The following VWF variants were observed in gnomAD, a reference collection of about 807,000 sequenced individuals.
VWF encodes the protein von Willebrand factor, also known as Factor VIII related antigen.
A neutral mutation model predicts 308.6 loss-of-function variants in VWF; 176 were observed. The ratio of observed to expected loss-of-function variants is 0.57; its 90% CI spans 0.50 to 0.65. The LOEUF (loss-of-function observed/expected upper bound fraction) is 0.65. VWF is among the 30% of genes least tolerant of loss of function. The pLI is 0.00. For synonymous variants in VWF, 1,385 were observed against 1,443.4 expected, an observed-to-expected ratio of 0.96 and a Z score of 0.92; for missense variants, 3,146 against 3,648.2, an observed-to-expected ratio of 0.86 and a Z score of 3.55.
At chr12:6,123,773 T>A (rs1458344252) in intron 1 of VWF, among the ~76,000 whole-genome samples, 1 of 152,014 alleles carries the variant, frequency 6.6e-6, no homozygotes, top group African/African-American at 2.4e-5. Context: ...GCCCAGCAAA[T>A]GTTTGCTGAG....
At chr12:6,092,610 T>TGA (rs113664724) in intron 6 of VWF, among the ~76,000 whole-genome samples, 12,914 of 56,740 alleles carry the variant, frequency 0.23, 1,306 homozygotes, top group African/African-American at 0.48. Flanking sequence ...AGTTAGTGAG[T>TGA]GAGTGAGAGT....
At chr12:5,981,120 C>G (rs1040724121) in intron 42 of VWF, among the ~76,000 whole-genome samples, 1 of 152,232 alleles carries the variant, frequency 6.6e-6, no homozygotes, top group African/African-American at 2.4e-5. Flanking sequence ...TAGCACAGTG[C>G]CAATTCTGTT....
chr12:6,030,141 C>T (rs1944243110), intron 21 of VWF, among the ~76,000 whole-genome samples: 1 of 152,218 alleles, frequency 6.6e-6, no homozygotes, highest in African/African-American at 2.4e-5. Flanking sequence ...CAGACTGAGG[C>T]TGAGGCTGAG....
chr12:5,980,116 AAGGAAGGAAGGAAGGAAGG>A (rs1943583379), intron 42 of VWF, among the ~76,000 whole-genome samples: 2 of 125,610 alleles, frequency 1.6e-5, no homozygotes, highest in Non-Finnish European at 3.4e-5. Context: ...GGAAGGAAGG[AAGGAAGGAAGGAAGGAAGG>A]AAGAAAGGAG....
At position 6,073,723 on chromosome 12, in the gene VWF, C is replaced by T; in HGVS notation, c.893G>A (p.Gly298Asp). 2 of 1,614,040 alleles carry T rather than the reference C, an allele frequency of 1.2e-6. No individual in the cohort carries two copies. Among genetic ancestry groups the T allele is most frequent in the Non-Finnish European group, 1.7e-6 (2 of 1,180,008 alleles). The change falls in exon 8 of 52, where the codon GGT becomes GAT. Residue 298 changes from glycine to aspartate, a missense_variant. Coordinates refer to ENST00000261405, the MANE Select transcript of VWF (RefSeq NM_000552.5). The part of the protein sequence containing the change: ...HSACSPVCPA[G>D]MEYRQCVSPC... ...GGACACACACTGCCTATACTCCATACCAGCAGGGCACACTGGGCCTGAAAA... is the reference window on the plus strand; with the variant it reads ...GGACACACACTGCCTATACTCCATATCAGCAGGGCACACTGGGCCTGAAAA...
At chr12:5,987,354 A>G (rs1943690518) in intron 38 of VWF, among the ~76,000 whole-genome samples, 1 of 152,242 alleles carries the variant, frequency 6.6e-6, no homozygotes, top group African/African-American at 2.4e-5. Context: ...TAACACTACC[A>G]GATAAGTAGT....
chr12:6,036,390 A>G lies in VWF; in HGVS notation c.2544T>C (p.Thr848=), dbSNP rs1944336591. ...CGCAGCCCCTCACTGAGCCTCACCAAGTGTTGCAGCCAATCTTCACTGTTT... is the reference window on the plus strand; with the variant it reads ...CGCAGCCCCTCACTGAGCCTCACCAGGTGTTGCAGCCAATCTTCACTGTTT... ...PGETVKIGCN[T]CVCQDRKWNC... Residue 848 remains threonine, a splice_region_variant and synonymous_variant, in exon 19 of 52, where the codon ACT becomes ACC. Transcript: ENST00000261405. 1 of 1,614,164 alleles carries G rather than the reference A, an allele frequency of 6.2e-7. No individual in the cohort carries two copies. Among genetic ancestry groups the G allele is most frequent in the African/African-American group, 1.3e-5 (1 of 75,058 alleles).
At chr12:6,073,780 C>T (rs781711204) in intron 7 of VWF, 39 bp from the exon 8 acceptor site, 15 of 1,612,812 alleles carry the variant, frequency 9.3e-6, no homozygotes, top group Non-Finnish European at 1.2e-5. Flanking sequence ...CAGGGCAGGT[C>T]CCACCGGTGC....
chr12:6,070,192 T>A (rs1166670078), intron 10 of VWF, among the ~76,000 whole-genome samples: 1 of 152,218 alleles, frequency 6.6e-6, no homozygotes, highest in Admixed American at 6.5e-5. Flanking sequence ...TCAAGAGCAA[T>A]CTTTTCTCCT....
intron 5 of VWF, among the ~76,000 whole-genome samples, chr12:6,099,435 T>C (rs1220850667): frequency 1.3e-5 from 2 of 151,884 alleles, no homozygotes; most frequent in African/African-American, 4.8e-5. Context: ...AAAGCCCTCA[T>C]ATGGATTTGA....
At position 5,985,103 on chromosome 12, in the gene VWF, C is replaced by T. The variant is rs144777030; in HGVS notation, c.6918G>A (p.Leu2306=). The stretch of plus-strand genomic sequence containing the variant: ...TCTGGCGGAGGCGGGCTACTTCACA[C>T]AGGCCACACGTGGGAGCTAGAGGAG... ...CPTAKAPTCG[L]CEVARLRQNA... is the part of the protein sequence containing the mutation. Residue 2306 remains leucine (L), a synonymous_variant, in exon 40 of 52, where the codon CTG becomes CTA. Transcript: ENST00000261405. 8.7e-6 allele frequency: 14 copies of T among 1,614,228 alleles called. No individual in the cohort carries two copies. The highest frequency in any genetic ancestry group is 1.1e-5 in the Non-Finnish European group (13 of 1,180,050).
At chr12:6,015,854 TA>T (rs1401861380) in intron 31 of VWF, among the ~76,000 whole-genome samples, 1 of 152,126 alleles carries the variant, frequency 6.6e-6, no homozygotes. Flanking sequence ...GTGGAGAAAT[TA>T]AAGATTATAA....
At position 6,095,490 on chromosome 12, in the gene VWF, T is replaced by A; in HGVS notation, c.627A>T (p.Ser209=). 1 of 1,612,296 alleles carries A rather than the reference T, an allele frequency of 6.2e-7. No homozygotes were observed. The highest frequency in any genetic ancestry group is 8.5e-7 in the Non-Finnish European group (1 of 1,178,328). Residue 209 remains serine (S), a synonymous_variant, in exon 6 of 52, where the codon TCA becomes TCT. Coordinates refer to ENST00000261405, the MANE Select transcript of VWF (RefSeq NM_000552.5). ...WCERASPPSS[S]CNISSGEMQK... is the part of the protein sequence containing the mutation. Reference sequence around the variant, plus strand: ...GCATTTCCCCAGAGGAGATGTTGCATGAGCTGCTGGGAGGAGATGCCCGTT... The same window carrying A: ...GCATTTCCCCAGAGGAGATGTTGCAAGAGCTGCTGGGAGGAGATGCCCGTT...
Position 5,953,495 on chromosome 12 carries a change from C to T in VWF, c.7986+1G>A, listed in dbSNP as rs1285578671. 2 of 1,613,736 alleles carry T rather than the reference C, an allele frequency of 1.2e-6. No individual in the cohort carries two copies. The highest frequency in any genetic ancestry group is 2.2e-5 in the East Asian group (1 of 44,892). On this transcript the variant is annotated splice_donor_variant, in intron 48 of 51. Transcript: ENST00000261405. LOFTEE classifies it high-confidence loss of function. ...GAGCCCTGCATTCAGCTTGCTCCTA[C>T]CTTCAGTGTCATGATCTGTCCTCCT...
rs933127661 is a variant in VWF, at chr12:6,063,423, C to T, written c.1433-369G>A. On this transcript the variant is annotated intron_variant, in intron 12 of 51. Transcript: ENST00000261405. This position sits in a 1 kb window ranked among gnomAD's most constrained non-coding sequence, Gnocchi z 4.9. The stretch of plus-strand genomic sequence containing the variant: ...GACATCTGAATGTGCCTGGGACACT[C>T]TGCCACTGCACACCACCTCATGTCT... 2.6e-5 allele frequency among the ~76,000 whole-genome samples: 4 copies of T among 152,182 alleles called. No homozygotes were observed. Among genetic ancestry groups the T allele is most frequent in the Non-Finnish European group, 5.9e-5 (4 of 68,032 alleles).
intron 20 of VWF, among the ~76,000 whole-genome samples, chr12:6,033,197 T>C (rs78183183): frequency 0.25 from 38,034 of 152,078 alleles, 5,059 homozygotes; most frequent in African/African-American, 0.32. Flanking sequence ...GGTGTAGGTG[T>C]TTTATTTGTC....
At chr12:5,993,825 G>C in intron 37 of VWF, 37 bp downstream of exon 37, 1 of 1,596,756 alleles carries the variant, frequency 6.3e-7, no homozygotes, top group Non-Finnish European at 8.5e-7. Flanking sequence ...CCAGTTAGCT[G>C]GTCTCCAGGA....
chr12:6,016,242 G>A lies in VWF; in HGVS notation c.5312-10C>T. Reference sequence around the variant, plus strand: ...AAGCCCAAGGCATCCCCTGAGGATGGAGAACAGATCACGCCAAGTCAGTAC... The same window carrying A: ...AAGCCCAAGGCATCCCCTGAGGATGAAGAACAGATCACGCCAAGTCAGTAC... On this transcript the variant is annotated splice_polypyrimidine_tract_variant and intron_variant, in intron 30 of 51. Transcript: ENST00000261405. 22 of 1,614,200 alleles carry A rather than the reference G, an allele frequency of 1.4e-5. No homozygotes were observed. The highest frequency in any genetic ancestry group is 1.9e-5 in the Non-Finnish European group (22 of 1,180,030).
intron 34 of VWF, among the ~76,000 whole-genome samples, chr12:6,011,117 C>T (rs1943988288): frequency 6.6e-6 from 1 of 152,200 alleles, no homozygotes; most frequent in African/African-American, 2.4e-5. Context: ...AAACATGAGA[C>T]AGAAGGCTAA....
Sources: gnomAD v4.1 joint callset for allele counts (sites outside exome capture counted in the v4.1 genomes callset) on GRCh38, gnomAD v4.1.1 for gene constraint, Gnocchi (gnomAD v3.1) non-coding constraint, MANE v1.5 for transcripts, NCBI Gene and HGNC (gene_info 2026-07-23, HGNC 2026-07-21) for gene names.